EDIL3: variants seen among roughly 807,000 people sequenced by gnomAD.
The protein encoded by EDIL3 is EGF like and discoidin domains 3.
A neutral mutation model predicts 67.4 loss-of-function variants in EDIL3; 37 were observed. The observed-to-expected ratio is 0.55, with a 90% CI of 0.42 to 0.72. The LOEUF is 0.72. EDIL3 is among the 30% of genes least tolerant of loss of function. The pLI is 0.00. For missense variants in EDIL3, 527 were observed against 586.3 expected (o/e 0.90, Z 1.04); for synonymous variants, 195 against 196.3 (o/e 0.99, Z 0.05).
At chr5:84,180,360 A>G in intron 4 of EDIL3, 33 bp downstream of exon 4, 2 of 1,546,392 alleles carry the variant, frequency 1.3e-6, no homozygotes, top group Non-Finnish European at 1.7e-6. Context: ...GTAATCAATA[A>G]TAATAAAAGT....
intron 6 of EDIL3, among the ~76,000 whole-genome samples, chr5:84,086,444 C>T (rs1036968225): frequency 6.6e-6 from 1 of 152,144 alleles, no homozygotes; most frequent in Admixed American, 6.5e-5. Flanking sequence ...GGAGAAGCGA[C>T]GTCCCACCCT....
chr5:84,266,502 G>A (rs894308855), intron 1 of EDIL3, among the ~76,000 whole-genome samples: 3 of 152,248 alleles, frequency 2.0e-5, no homozygotes, highest in Non-Finnish European at 2.9e-5. Flanking sequence ...GGTGGTATGC[G>A]TGCAGTTTAG....
At chr5:84,060,537 T>A in intron 8 of EDIL3, 53 bp from the exon 9 acceptor site, 1 of 1,590,640 alleles carries the variant, frequency 6.3e-7, no homozygotes, top group South Asian at 1.1e-5. Flanking sequence ...CACCTGGAAC[T>A]TTTCTGCATT....
intron 2 of EDIL3, 35 bp downstream of exon 2, chr5:84,254,049 A>C: frequency 6.5e-7 from 1 of 1,543,140 alleles, no homozygotes; most frequent in East Asian, 2.3e-5. Flanking sequence ...GGAAATAAAA[A>C]GATAACTACT....
intron 9 of EDIL3, among the ~76,000 whole-genome samples, chr5:84,004,612 C>G (rs969429229): frequency 6.6e-6 from 1 of 151,980 alleles, no homozygotes; most frequent in Admixed American, 6.6e-5. Context: ...AAAATAAAGA[C>G]AGAAATCAAG....
chr5:84,129,467 TA>T (rs1185212286), intron 5 of EDIL3, among the ~76,000 whole-genome samples: 1 of 152,058 alleles, frequency 6.6e-6, no homozygotes, highest in African/African-American at 2.4e-5. Flanking sequence ...TCAATTCCTT[TA>T]TTTATTTATT....
At chr5:84,126,861 T>C (rs1747878088) in intron 5 of EDIL3, among the ~76,000 whole-genome samples, 1 of 152,108 alleles carries the variant, frequency 6.6e-6, no homozygotes, top group Non-Finnish European at 1.5e-5. Context: ...AGTGCTAATG[T>C]TCTGGTAAAC....
At chr5:84,081,414 G>C (rs1442841141) in intron 6 of EDIL3, among the ~76,000 whole-genome samples, 1 of 152,174 alleles carries the variant, frequency 6.6e-6, no homozygotes, top group Non-Finnish European at 1.5e-5. Flanking sequence ...GAAGAAACAA[G>C]AGGAATAAAA....
At position 84,160,819 on chromosome 5, in the gene EDIL3, C is replaced by CCTTTCCTTT. The variant is rs1258829510; in HGVS notation, c.355+19573_355+19574insAAAGGAAAG. Among the ~76,000 whole-genome samples the CCTTTCCTTT allele has an allele frequency of 1.1e-3, 76 of 69,122 alleles. 1 individual carries two copies. Among genetic ancestry groups the CCTTTCCTTT allele is most frequent in the African/African-American group, 4.3e-3 (68 of 15,958 alleles). 45.3% of individuals were successfully genotyped at this position (69,122 alleles called of 152,430 possible). ...CCTTTCCTTTCCTTTCCTTTCCTTT[C>CCTTTCCTTT]CCTTTCCTTTTCCTTTCCTTTTCCT... On this transcript the variant is annotated intron_variant, in intron 4 of 10. Coordinates refer to ENST00000296591, the MANE Select transcript of EDIL3 (RefSeq NM_005711.5).
chr5:84,377,244 C>T (rs770499145), intron 1 of EDIL3, among the ~76,000 whole-genome samples: 1 of 146,168 alleles, frequency 6.8e-6, no homozygotes, highest in Non-Finnish European at 1.5e-5. Context: ...ACCCGGGAGG[C>T]GGAGCTTGCA....
chr5:84,294,451 A>G (rs1561248420), intron 1 of EDIL3, among the ~76,000 whole-genome samples: 1 of 151,760 alleles, frequency 6.6e-6, no homozygotes, highest in Non-Finnish European at 1.5e-5. Context: ...AAAAGTTTCA[A>G]CTAGCCAGAT....
intron 9 of EDIL3, among the ~76,000 whole-genome samples, chr5:84,014,879 C>A (rs1030582724): frequency 2.2e-4 from 34 of 152,132 alleles, no homozygotes; most frequent in African/African-American, 6.8e-4. Context: ...ATACAGAACT[C>A]TGGAATACTG....
chr5:84,064,620 T>C (rs1746601027), intron 8 of EDIL3, 80 bp downstream of exon 8: 1 of 1,461,260 alleles, frequency 6.8e-7, no homozygotes, highest in Admixed American at 2.6e-5. Context: ...GTTGAATTTG[T>C]AGGTTAGTAA....
At chr5:84,361,867 T>G (rs953220651) in intron 1 of EDIL3, among the ~76,000 whole-genome samples, 1 of 151,998 alleles carries the variant, frequency 6.6e-6, no homozygotes, top group Non-Finnish European at 1.5e-5. Flanking sequence ...AATGTGATAA[T>G]GCTTTATATT....
intron 9 of EDIL3, among the ~76,000 whole-genome samples, chr5:83,982,060 C>T (rs1020089349): frequency 1.3e-5 from 2 of 151,980 alleles, no homozygotes; most frequent in African/African-American, 2.4e-5. Context: ...AGTTATCTCC[C>T]ATCAATGCTA....
chr5:84,152,753 G>C (rs183500178), intron 4 of EDIL3, among the ~76,000 whole-genome samples: 2 of 152,234 alleles, frequency 1.3e-5, no homozygotes, highest in African/African-American at 4.8e-5. Context: ...GATTAAATAA[G>C]CTACAGAGTT....
At chr5:84,231,973 C>T (rs758592802) in intron 2 of EDIL3, among the ~76,000 whole-genome samples, 1 of 152,170 alleles carries the variant, frequency 6.6e-6, no homozygotes, top group Non-Finnish European at 1.5e-5. Flanking sequence ...AAATATTTCT[C>T]ATTTGATAAA....
intron 9 of EDIL3, among the ~76,000 whole-genome samples, chr5:83,975,894 G>A (rs1252609301): frequency 2.6e-5 from 4 of 151,850 alleles, no homozygotes; most frequent in East Asian, 1.9e-4. Flanking sequence ...CACCAGATAC[G>A]TCTCAAGCTT....
At chr5:84,198,525 T>C (rs999454230) in intron 3 of EDIL3, among the ~76,000 whole-genome samples, 2 of 152,130 alleles carry the variant, frequency 1.3e-5, no homozygotes, top group Non-Finnish European at 2.9e-5. Context: ...ACTCAGCTAT[T>C]GTTCTTGACG....
Sources: gnomAD v4.1 joint callset for allele counts (sites outside exome capture counted in the v4.1 genomes callset) on GRCh38, gnomAD v4.1.1 for gene constraint, MANE v1.5 for transcripts, NCBI Gene and HGNC (gene_info 2026-07-23, HGNC 2026-07-21) for gene names.